Variants in EPHA3 observed in about 807,000 individuals in gnomAD.
EPHA3 encodes the protein EPH receptor A3.
A neutral mutation model predicts 107.1 loss-of-function variants in EPHA3; 42 were observed. The ratio of observed to expected loss-of-function variants is 0.39; its 90% CI spans 0.31 to 0.51. The LOEUF (loss-of-function observed/expected upper bound fraction) is 0.51, where lower values mean the gene tolerates loss of function less well. EPHA3 is among the 20% of genes least tolerant of loss of function. EPHA3 has a pLI of 0.78. For missense variants in EPHA3, 1,183 were observed against 1,211.2 expected, an observed-to-expected ratio of 0.98 and a Z score of 0.35; for synonymous variants, 461 against 424.8, an observed-to-expected ratio of 1.09 and a Z score of -1.05.
At chr3:89,222,708 G>T (rs1049920493) in intron 3 of EPHA3, among the ~76,000 whole-genome samples, 5 of 152,018 alleles carry the variant, frequency 3.3e-5, no homozygotes, top group Non-Finnish European at 5.9e-5. Context: ...ATTTCTGGTG[G>T]TATTGGACTG....
At chr3:89,436,402 A>T (rs951531709) in intron 13 of EPHA3, among the ~76,000 whole-genome samples, 6 of 152,212 alleles carry the variant, frequency 3.9e-5, no homozygotes, top group African/African-American at 1.4e-4. Flanking sequence ...AACGCAGTTC[A>T]TCTAGTGTCT....
chr3:89,130,346 C>T (rs1435034918), intron 2 of EPHA3, among the ~76,000 whole-genome samples: 1 of 152,088 alleles, frequency 6.6e-6, no homozygotes, highest in Non-Finnish European at 1.5e-5. Flanking sequence ...CTCTAACTTC[C>T]AATCATATTC....
chr3:89,301,878 G>T (rs540226516), intron 3 of EPHA3, among the ~76,000 whole-genome samples: 8 of 152,134 alleles, frequency 5.3e-5, no homozygotes, highest in Middle Eastern at 3.4e-3. Context: ...AGAAAAAATG[G>T]CAGGGACATA....
intron 15 of EPHA3, among the ~76,000 whole-genome samples, chr3:89,458,996 G>A (rs921650675): frequency 8.5e-5 from 13 of 152,136 alleles, no homozygotes; most frequent in African/African-American, 3.1e-4. Flanking sequence ...CATGGACTCA[G>A]GGAGAGGAAC....
At chr3:89,420,281 A>C (rs1042025666) in intron 11 of EPHA3, among the ~76,000 whole-genome samples, 1 of 151,492 alleles carries the variant, frequency 6.6e-6, no homozygotes, top group African/African-American at 2.4e-5. Flanking sequence ...TATTTTTCAT[A>C]ATTATATTTC....
intron 2 of EPHA3, among the ~76,000 whole-genome samples, chr3:89,143,581 A>T (rs1704476310): frequency 6.6e-6 from 1 of 151,532 alleles, no homozygotes; most frequent in African/African-American, 2.4e-5. Flanking sequence ...TGCGGGTTTT[A>T]AAAAAATTCT....
intron 3 of EPHA3, among the ~76,000 whole-genome samples, chr3:89,303,671 C>G (rs530251951): frequency 6.6e-6 from 1 of 152,180 alleles, no homozygotes; most frequent in Non-Finnish European, 1.5e-5. Flanking sequence ...TATCCAGGAG[C>G]ATTTTAAAGA....
intron 2 of EPHA3, among the ~76,000 whole-genome samples, chr3:89,159,041 T>C (rs1704865344): frequency 6.6e-6 from 1 of 152,126 alleles, no homozygotes; most frequent in South Asian, 2.1e-4. Flanking sequence ...TAAGCATATG[T>C]GCATTATTTA....
intron 3 of EPHA3, among the ~76,000 whole-genome samples, chr3:89,310,546 G>A (rs1415709725): frequency 6.6e-6 from 1 of 151,542 alleles, no homozygotes; most frequent in Admixed American, 6.6e-5. Flanking sequence ...CATAGCCTGG[G>A]TCTTACATCC....
intron 2 of EPHA3, among the ~76,000 whole-genome samples, chr3:89,179,705 T>G (rs1705397706): frequency 6.7e-6 from 1 of 150,162 alleles, no homozygotes; most frequent in Admixed American, 6.7e-5. Flanking sequence ...ATGTGGACAA[T>G]GAAATCCTTG....
At position 89,136,752 on chromosome 3, in the gene EPHA3, T is replaced by C. The variant is rs115672692; in HGVS notation, c.153+9479T>C. Among the ~76,000 whole-genome samples the C allele has an allele frequency of 6.0e-3, 913 of 152,068 alleles. 7 individuals carry two copies. The highest frequency in any genetic ancestry group is 0.021 in the African/African-American group (855 of 41,546). Reference sequence around the variant, plus strand: ...CTTTATAATCCTTACCTAACATATATTAACTATAAAGTTAAATAAAAAGCT... The same window carrying C: ...CTTTATAATCCTTACCTAACATATACTAACTATAAAGTTAAATAAAAAGCT... On this transcript the variant is annotated intron_variant, in intron 2 of 16. Transcript: ENST00000336596.
intron 2 of EPHA3, among the ~76,000 whole-genome samples, chr3:89,195,550 G>A (rs1705818975): frequency 6.6e-6 from 1 of 152,152 alleles, no homozygotes; most frequent in Non-Finnish European, 1.5e-5. Context: ...AAACCTCAGA[G>A]TCATTTTCAG....
At chr3:89,389,851 G>GT (rs1708689457) in intron 5 of EPHA3, among the ~76,000 whole-genome samples, 1 of 152,072 alleles carries the variant, frequency 6.6e-6, no homozygotes, top group Admixed American at 6.6e-5. Context: ...ATTGTAATTT[G>GT]TTTTTCTATT....
At chr3:89,345,606 C>CTTTTTTTTT (rs528144226) in intron 5 of EPHA3, among the ~76,000 whole-genome samples, 1 of 136,654 alleles carries the variant, frequency 7.3e-6, no homozygotes, top group Non-Finnish European at 1.6e-5. Context: ...GTGACAATTT[C>CTTTTTTTTT]TTTTTTTTTT....
At chr3:89,299,533 T>G (rs1706435171) in intron 3 of EPHA3, among the ~76,000 whole-genome samples, 2 of 151,940 alleles carry the variant, frequency 1.3e-5, no homozygotes, top group Non-Finnish European at 2.9e-5. Flanking sequence ...AATTATGAAG[T>G]GTGCAATAAG....
At position 89,413,282 on chromosome 3, in the gene EPHA3, C is replaced by G; in HGVS notation, c.1888+16C>G. 6.2e-7 allele frequency: 1 copy of G among 1,611,056 alleles called. No individual in the cohort carries two copies. The highest frequency in any genetic ancestry group is 1.1e-5 in the South Asian group (1 of 91,018). On this transcript the variant is annotated intron_variant, in intron 10 of 16. Coordinates refer to ENST00000336596, the MANE Select transcript of EPHA3 (RefSeq NM_005233.6). ...GTTGGAGCAGGTAACCACAATGACC[C>G]TACTGCCAACTTAGTACTGTATGTG...
At chr3:89,278,006 T>G (rs1271528668) in intron 3 of EPHA3, among the ~76,000 whole-genome samples, 1 of 151,924 alleles carries the variant, frequency 6.6e-6, no homozygotes, top group Non-Finnish European at 1.5e-5. Context: ...ATGTATTTGA[T>G]TTTTTTTGAC....
intron 2 of EPHA3, among the ~76,000 whole-genome samples, chr3:89,132,459 A>G (rs1319302747): frequency 6.6e-6 from 1 of 152,086 alleles, no homozygotes; most frequent in East Asian, 1.9e-4. Flanking sequence ...CTTTTTTGGT[A>G]CTTTAGTATG....
intron 3 of EPHA3, among the ~76,000 whole-genome samples, chr3:89,290,592 C>T (rs1706188382): frequency 6.6e-6 from 1 of 152,050 alleles, no homozygotes; most frequent in African/African-American, 2.4e-5. Context: ...AGCTAAGTGT[C>T]ATTATGTGTT....
Sources: gnomAD v4.1 joint callset for allele counts (sites outside exome capture counted in the v4.1 genomes callset) on GRCh38, gnomAD v4.1.1 for gene constraint, MANE v1.5 for transcripts, NCBI Gene and HGNC (gene_info 2026-07-23, HGNC 2026-07-21) for gene names.